Variants in NPFFR2 observed in about 807,000 individuals in gnomAD.
The protein encoded by NPFFR2 is G-protein coupled receptor 74.
A neutral mutation model predicts 13.1 loss-of-function variants in NPFFR2; 15 were observed. That is an observed-to-expected ratio of 1.15 (90% CI 0.77 to 1.76). The LOEUF (loss-of-function observed/expected upper bound fraction) is 1.76, where lower values mean the gene tolerates loss of function less well. Ranked by LOEUF, NPFFR2 falls within the 40% of genes most tolerant of loss-of-function variation. The pLI is 0.00. For missense variants in NPFFR2, 572 were observed against 503.5 expected (o/e 1.14, Z -1.30); for synonymous variants, 190 against 175.7 (o/e 1.08, Z -0.65).
intron 1 of NPFFR2, among the ~76,000 whole-genome samples, chr4:72,115,050 T>G (rs1721671902): frequency 6.6e-6 from 1 of 152,202 alleles, no homozygotes. Flanking sequence ...ATTTTGCCAT[T>G]ATTAAGATGT....
intron 1 of NPFFR2, among the ~76,000 whole-genome samples, chr4:72,067,027 C>A (rs988245257): frequency 1.6e-5 from 2 of 123,916 alleles, no homozygotes; most frequent in African/African-American, 2.9e-5. Flanking sequence ...CAGGTTGGGG[C>A]CTTATTCAAC....
chr4:72,114,663 AT>A (rs1420597435), intron 1 of NPFFR2, among the ~76,000 whole-genome samples: 1 of 152,194 alleles, frequency 6.6e-6, no homozygotes, highest in African/African-American at 2.4e-5. Flanking sequence ...TCATCACCTT[AT>A]AACACAATCT....
In NPFFR2 at chr4:72,147,785, A is replaced by T. The variant is rs1722836881; in HGVS notation, c.1236A>T (p.Lys412Asn). 6.3e-7 allele frequency: 1 copy of T among 1,583,046 alleles called. No homozygotes were observed. Among genetic ancestry groups the T allele is most frequent in the African/African-American group, 1.4e-5 (1 of 72,810 alleles). ...AGGAATTAGTGATGGAAGAATTAAA[A>T]GAAACTACTAACAGCAGTGAGATTT... Reference protein sequence around the residue: ...PQQELVMEELKETTNSSEI With the variant: ...PQQELVMEELNETTNSSEI Residue 412 changes from lysine (K) to asparagine (N), a missense_variant, in exon 4 of 4, where the codon AAA becomes AAT. Physicochemically the swap from Lys to Asn is moderately conservative, Grantham distance 94 (BLOSUM62 0). Transcript: ENST00000308744.
At chr4:72,052,938 TC>T (rs1469965033) in intron 1 of NPFFR2, among the ~76,000 whole-genome samples, 1 of 151,932 alleles carries the variant, frequency 6.6e-6, no homozygotes, top group Non-Finnish European at 1.5e-5. Context: ...AATCTTTGAA[TC>T]TACCTATGAC....
intron 1 of NPFFR2, among the ~76,000 whole-genome samples, chr4:72,058,873 T>G (rs1258586720): frequency 2.0e-5 from 3 of 152,018 alleles, no homozygotes; most frequent in Non-Finnish European, 4.4e-5. Flanking sequence ...CAAAACTATC[T>G]CCTGCTCTGG....
chr4:72,141,774 G>C (rs543820649), intron 3 of NPFFR2, among the ~76,000 whole-genome samples: 1 of 152,210 alleles, frequency 6.6e-6, no homozygotes, highest in East Asian at 1.9e-4. Flanking sequence ...CATCTATTAG[G>C]TCCACTTGTT....
chr4:72,104,086 AG>A (rs1194200372), intron 1 of NPFFR2, among the ~76,000 whole-genome samples: 4 of 152,078 alleles, frequency 2.6e-5, no homozygotes, highest in Non-Finnish European at 5.9e-5. Flanking sequence ...AAACATATGG[AG>A]GCAAATGGCA....
intron 1 of NPFFR2, among the ~76,000 whole-genome samples, chr4:72,087,871 T>C (rs1720812016): frequency 6.6e-6 from 1 of 151,888 alleles, no homozygotes; most frequent in South Asian, 2.1e-4. Flanking sequence ...TTGTGAAAAA[T>C]GTTATCTAAA....
At chr4:72,047,297 C>T (rs1364826112) in intron 1 of NPFFR2, among the ~76,000 whole-genome samples, 1 of 151,984 alleles carries the variant, frequency 6.6e-6, no homozygotes, top group Non-Finnish European at 1.5e-5. Flanking sequence ...GAAGAAAGAC[C>T]CTGAAGGCAT....
intron 1 of NPFFR2, among the ~76,000 whole-genome samples, chr4:72,059,750 T>C (rs1384864116): frequency 6.6e-6 from 1 of 152,088 alleles, no homozygotes; most frequent in Non-Finnish European, 1.5e-5. Flanking sequence ...TAATATTTAG[T>C]CACTAAAGGA....
chr4:72,095,775 G>T (rs1171087715), intron 1 of NPFFR2, among the ~76,000 whole-genome samples: 2 of 152,074 alleles, frequency 1.3e-5, no homozygotes, highest in African/African-American at 4.8e-5. Flanking sequence ...GAAGATTTTA[G>T]CTGCCTTGGT....
At chr4:72,134,664 G>A (rs1223897817) in intron 2 of NPFFR2, among the ~76,000 whole-genome samples, 2 of 152,180 alleles carry the variant, frequency 1.3e-5, no homozygotes. Context: ...TGCTTAGTTT[G>A]GGTGTGTACT....
At chr4:72,133,572 C>T (rs1422845888) in intron 2 of NPFFR2, among the ~76,000 whole-genome samples, 3 of 152,150 alleles carry the variant, frequency 2.0e-5, no homozygotes, top group Non-Finnish European at 2.9e-5. Flanking sequence ...ATAGGGATAG[C>T]ATGGAATCTA....
At chr4:72,109,122 C>G (rs1721494559) in intron 1 of NPFFR2, among the ~76,000 whole-genome samples, 1 of 151,984 alleles carries the variant, frequency 6.6e-6, no homozygotes, top group South Asian at 2.1e-4. Context: ...CTTTAGATTA[C>G]AGATTACTAA....
chr4:72,086,436 A>C (rs1036856050), intron 1 of NPFFR2, among the ~76,000 whole-genome samples: 2 of 152,072 alleles, frequency 1.3e-5, no homozygotes, highest in Non-Finnish European at 2.9e-5. Flanking sequence ...TATTTTTGCC[A>C]CCTATAGTGC....
chr4:72,136,207 A>T (rs547827926), intron 2 of NPFFR2, among the ~76,000 whole-genome samples: 3 of 152,034 alleles, frequency 2.0e-5, no homozygotes, highest in Non-Finnish European at 4.4e-5. Context: ...AATTTTTTTT[A>T]AAATAACTGG....
At chr4:72,071,716 T>A (rs1720262155) in intron 1 of NPFFR2, among the ~76,000 whole-genome samples, 1 of 152,078 alleles carries the variant, frequency 6.6e-6, no homozygotes, top group Admixed American at 6.6e-5. Flanking sequence ...ACCCTTTCCT[T>A]TATATACTGG....
intron 1 of NPFFR2, among the ~76,000 whole-genome samples, chr4:72,053,540 G>T (rs1719653437): frequency 6.6e-6 from 1 of 151,562 alleles, no homozygotes; most frequent in African/African-American, 2.4e-5. Context: ...CATGTATTTT[G>T]TTTTTTTATT....
At chr4:72,053,975 A>T (rs926693727) in intron 1 of NPFFR2, among the ~76,000 whole-genome samples, 1 of 151,870 alleles carries the variant, frequency 6.6e-6, no homozygotes, top group Non-Finnish European at 1.5e-5. Flanking sequence ...ATTGAATAGC[A>T]TGTTCATATT....
Sources: gnomAD v4.1 joint callset for allele counts (sites outside exome capture counted in the v4.1 genomes callset) on GRCh38, gnomAD v4.1.1 for gene constraint, MANE v1.5 for transcripts, NCBI Gene and HGNC (gene_info 2026-07-23, HGNC 2026-07-21) for gene names.